Variants in ICA1 observed in about 807,000 individuals in gnomAD.
The protein encoded by ICA1 is islet cell autoantigen 1.
Under a neutral mutation model 71.0 loss-of-function variants are expected in ICA1, and 40 were observed. That is an observed-to-expected ratio of 0.56 (90% CI 0.44 to 0.73). ICA1 has a LOEUF of 0.73. Among genes scored for constraint, ICA1 ranks in the 30% least tolerant of loss-of-function variants. ICA1 has a pLI of 0.00. For synonymous variants in ICA1, 207 were observed against 209.5 expected (o/e 0.99, Z 0.10); for missense variants, 578 against 576.5 (o/e 1.00, Z -0.03).
intron 6 of ICA1, among the ~76,000 whole-genome samples, chr7:8,178,325 A>G (rs750701420): frequency 1.3e-5 from 2 of 152,078 alleles, no homozygotes; most frequent in African/African-American, 4.8e-5. Context: ...ATATACCTCT[A>G]TTACCTCACA....
intron 8 of ICA1, among the ~76,000 whole-genome samples, chr7:8,153,959 G>A (rs6463773): frequency 0.73 from 110,408 of 150,936 alleles, 41,135 homozygotes; most frequent in Middle Eastern, 0.84. Flanking sequence ...TAGTTTCTCT[G>A]CCTTAAACTT....
At chr7:8,253,950 T>C (rs1317482364) in intron 1 of ICA1, among the ~76,000 whole-genome samples, 1 of 152,258 alleles carries the variant, frequency 6.6e-6, no homozygotes, top group Non-Finnish European at 1.5e-5. Flanking sequence ...GCCATCAGAA[T>C]AATCAGGGAG....
chr7:8,228,395 A>G (rs1799274782), intron 4 of ICA1, among the ~76,000 whole-genome samples: 1 of 152,240 alleles, frequency 6.6e-6, no homozygotes, highest in Non-Finnish European at 1.5e-5. Flanking sequence ...GGGAGATCCA[A>G]ACAGAATTCT....
At chr7:8,164,745 G>A (rs7796683) in intron 6 of ICA1, among the ~76,000 whole-genome samples, 143,257 of 152,210 alleles carry the variant, frequency 0.94, 67,445 homozygotes, top group African/African-American at 0.95. Context: ...AGGTGCCACA[G>A]GAGAAAGTCT....
intron 13 of ICA1, among the ~76,000 whole-genome samples, chr7:8,126,492 G>A (rs944615803): frequency 2.6e-5 from 4 of 151,804 alleles, no homozygotes; most frequent in Non-Finnish European, 5.9e-5. Flanking sequence ...AAATGGCTAT[G>A]AAATAAGACT....
chr7:8,191,482 A>G (rs958401546), intron 6 of ICA1, among the ~76,000 whole-genome samples: 1 of 152,184 alleles, frequency 6.6e-6, no homozygotes, highest in Non-Finnish European at 1.5e-5. Context: ...ACTGTAGTAT[A>G]GTATAGGTTT....
chr7:8,116,066 A>C (rs1475283452), intron 13 of ICA1, among the ~76,000 whole-genome samples: 1 of 152,236 alleles, frequency 6.6e-6, no homozygotes, highest in Non-Finnish European at 1.5e-5. Context: ...TTAAGCCAGA[A>C]AAAGAAGTCA....
rs371801223 is a variant in ICA1 at position 8,175,996 on chromosome 7, G to A, written c.580-17344C>T. On this transcript the variant is annotated intron_variant, in intron 6 of 13. Transcript: ENST00000402384. ...GAAAAAGGAAGTGAACACTTATGGA[G>A]GGCCTCCTGTTTTACAACTGTTTCA... Among the ~76,000 whole-genome samples the A allele has an allele frequency of 6.6e-5, 10 of 152,288 alleles. 1 individual carries two copies. The highest frequency in any genetic ancestry group is 2.4e-4 in the African/African-American group (10 of 41,552).
At chr7:8,193,204 T>C (rs1009381340) in intron 6 of ICA1, among the ~76,000 whole-genome samples, 2 of 152,230 alleles carry the variant, frequency 1.3e-5, no homozygotes, top group African/African-American at 4.8e-5. Context: ...CACATATATG[T>C]ATTATAATCC....
intron 6 of ICA1, among the ~76,000 whole-genome samples, chr7:8,159,623 G>A (rs557275020): frequency 1.8e-4 from 28 of 152,106 alleles, no homozygotes; most frequent in African/African-American, 4.3e-4. Flanking sequence ...TCACTTGAGC[G>A]TGGGAGGTGG....
intron 6 of ICA1, among the ~76,000 whole-genome samples, chr7:8,180,876 C>A (rs1313809332): frequency 1.3e-5 from 2 of 148,202 alleles, no homozygotes; most frequent in Non-Finnish European, 3.0e-5. Flanking sequence ...TTTAGATGTT[C>A]TGGATACAAG....
chr7:8,228,455 G>A (rs1198097880), intron 4 of ICA1, 146 bp downstream of exon 4: 4 of 477,474 alleles, frequency 8.4e-6, no homozygotes, highest in Non-Finnish European at 1.5e-5. Flanking sequence ...TATATTATTG[G>A]TAAAATTATT....
intron 6 of ICA1, among the ~76,000 whole-genome samples, chr7:8,201,775 G>A (rs3823827): frequency 0.019 from 2,853 of 152,304 alleles, 67 homozygotes; most frequent in Admixed American, 0.069. Flanking sequence ...GAATGGCACT[G>A]GGTTAGCAGC....
chr7:8,128,026 C>G lies in ICA1; in HGVS notation c.1177G>C (p.Glu393Gln). 6.2e-7 allele frequency: 1 copy of G among 1,614,246 alleles called. No individual in the cohort carries two copies. The highest frequency in any genetic ancestry group is 8.5e-7 in the Non-Finnish European group (1 of 1,180,040). The change falls in exon 13 of 14, where the codon GAG becomes CAG. Residue 393 changes from glutamate to glutamine, a missense_variant. Physicochemically the swap from Glu to Gln is conservative, Grantham distance 29. Transcript: ENST00000402384. The stretch of plus-strand genomic sequence containing the variant: ...CCGTCTCCAAACACAGCGGCCCACT[C>G]TTTGCTGAACTCGCCCTCTTCCAAG... Reference protein sequence around the residue: ...SSLEEGEFSKEWAAVFGDGQV... With the variant: ...SSLEEGEFSKQWAAVFGDGQV...
At chr7:8,230,466 CATCAGTAT>C (rs958737730) in intron 3 of ICA1, among the ~76,000 whole-genome samples, 4 of 152,170 alleles carry the variant, frequency 2.6e-5, no homozygotes, top group African/African-American at 9.7e-5. Context: ...TAAACATCAA[CATCAGTAT>C]TAACATTTCT....
Position 8,122,130 on chromosome 7 carries a change from G to A in ICA1, c.1330+5743C>T, listed in dbSNP as rs572246604. 1.7e-4 allele frequency among the ~76,000 whole-genome samples: 26 copies of A among 152,296 alleles called. No homozygotes were observed. In the East Asian group the frequency reaches 4.6e-3, roughly 27 times the overall value. On this transcript the variant is annotated intron_variant, in intron 13 of 13. Transcript: ENST00000402384. ...GCACAGGTGAGTGGCATGCTCTAAG[G>A]AGAAGGGAGAGCATGTGCCAAGACC...
At chr7:8,167,801 T>C (rs944608132) in intron 6 of ICA1, among the ~76,000 whole-genome samples, 2 of 152,190 alleles carry the variant, frequency 1.3e-5, no homozygotes, top group Non-Finnish European at 1.5e-5. Context: ...TGTGGTTGGC[T>C]AATTCAGTGA....
intron 4 of ICA1, among the ~76,000 whole-genome samples, chr7:8,225,019 T>C (rs547786883): frequency 1.3e-5 from 2 of 152,354 alleles, no homozygotes; most frequent in East Asian, 1.9e-4. Context: ...TAAGGAGGTA[T>C]CTGCTGGGTT....
intron 6 of ICA1, among the ~76,000 whole-genome samples, chr7:8,208,018 G>T (rs1487404096): frequency 6.6e-6 from 1 of 152,098 alleles, no homozygotes; most frequent in Non-Finnish European, 1.5e-5. Context: ...ATGCTTTGTT[G>T]AGGGTTAACA....
Sources: allele counts gnomAD v4.1 joint callset (sites outside exome capture counted in the v4.1 genomes callset), GRCh38; gene constraint gnomAD v4.1.1; transcripts MANE v1.5; gene names NCBI Gene and HGNC (gene_info 2026-07-23, HGNC 2026-07-21).